EXPH5: variants seen among roughly 807,000 people sequenced by gnomAD.
EXPH5 encodes exophilin 5.
In EXPH5, 42 loss-of-function variants were observed where a neutral mutation model predicts 41.1. The observed-to-expected ratio is 1.02, with a 90% CI of 0.80 to 1.32. The LOEUF (loss-of-function observed/expected upper bound fraction) is 1.32, where lower values mean the gene tolerates loss of function less well. Ranked by LOEUF, EXPH5 falls within the 40% of genes most tolerant of loss-of-function variation. EXPH5 has a pLI of 0.00. For missense variants in EXPH5, 2,298 were observed against 2,314.5 expected, an observed-to-expected ratio of 0.99 and a Z score of 0.15; for synonymous variants, 798 against 833.5, an observed-to-expected ratio of 0.96 and a Z score of 0.73.
the EXPH5 span, among the ~76,000 whole-genome samples, chr11:108,600,872 T>G: frequency 6.6e-6 from 1 of 152,234 alleles, no homozygotes; most frequent in African/African-American, 2.4e-5. Context: ...AGTGACAAGT[T>G]CAATGACAAG....
At chr11:108,552,319 G>A (rs536039288) in intron 1 of EXPH5, 1 of 152,276 alleles carries the variant, frequency 6.6e-6, no homozygotes, top group African/African-American at 2.4e-5. Flanking sequence ...AAGACTCAGG[G>A]AGGGGCAAGG....
At chr11:108,595,608 G>A (rs535304296), upstream of EXPH5, among the ~76,000 whole-genome samples, 27 of 152,108 alleles carry the variant, frequency 1.8e-4, no homozygotes, top group Admixed American at 3.3e-4. Flanking sequence ...TCTCCACAGG[G>A]GTAAAATCTT....
chr11:108,572,641 C>A (rs1367578242), intron 1 of EXPH5, among the ~76,000 whole-genome samples: 1 of 152,204 alleles, frequency 6.6e-6, no homozygotes, highest in Admixed American at 6.5e-5. Flanking sequence ...TCACTGCAAC[C>A]TTTGCCTCCC....
chr11:108,514,832 T>G lies in EXPH5; in HGVS notation c.675A>C (p.Ala225=), dbSNP rs1024233298. The change falls in exon 6 of 6, where the codon GCA becomes GCC. Residue 225 remains alanine (A), a synonymous_variant. Transcript: ENST00000265843. ...LDSKLAQEQS[A]SSVNTRTPLN... Reference sequence around the variant, plus strand: ...GGGGTGTTCTGGTATTCACTGAGCTTGCAGACTGTTCCTGAGCCAATTTGC... The same window carrying G: ...GGGGTGTTCTGGTATTCACTGAGCTGGCAGACTGTTCCTGAGCCAATTTGC... The G allele has an allele frequency of 1.9e-6, 3 of 1,544,132 alleles. No individual in the cohort carries two copies. The highest frequency in any genetic ancestry group is 1.7e-6 in the Non-Finnish European group (2 of 1,152,758).
intron 1 of EXPH5, among the ~76,000 whole-genome samples, chr11:108,560,362 C>A (rs1225394466): frequency 6.6e-6 from 1 of 152,184 alleles, no homozygotes. Context: ...TGATTGCTGC[C>A]TTTTCCAATT....
intron 1 of EXPH5, among the ~76,000 whole-genome samples, chr11:108,569,067 C>T (rs760740931): frequency 2.0e-5 from 3 of 152,146 alleles, no homozygotes; most frequent in African/African-American, 7.2e-5. Flanking sequence ...CTTCCTCTCA[C>T]GTTGCACTCT....
chr11:108,532,561 A>G (rs139514102), intron 3 of EXPH5, among the ~76,000 whole-genome samples: 1 of 150,962 alleles, frequency 6.6e-6, no homozygotes, highest in East Asian at 1.9e-4. Context: ...TAATGAAACT[A>G]TTAATAGATA....
chr11:108,512,013 T>C lies in EXPH5; in HGVS notation c.3494A>G (p.Glu1165Gly). Residue 1165 changes from glutamate to glycine, a missense_variant, in exon 6 of 6, where the codon GAA (glutamate) becomes GGA (glycine). Transcript: ENST00000265843. ...ACAATCTCTAACAGATGAGTCACTTTCCACAGGGCTAATGATTCTCTCCCA... is the reference window on the plus strand; with the variant it reads ...ACAATCTCTAACAGATGAGTCACTTCCCACAGGGCTAATGATTCTCTCCCA... ...RAWERIISPV[E>G]SDSSVRDCSL... 2 of 1,591,424 alleles carry C rather than the reference T, an allele frequency of 1.3e-6. No individual in the cohort carries two copies. Among genetic ancestry groups the C allele is most frequent in the Non-Finnish European group, 1.7e-6 (2 of 1,172,754 alleles).
rs772358763 is a variant in EXPH5 at position 108,510,285 on chromosome 11, C to G, written c.5222G>C (p.Arg1741Thr). Reference sequence around the variant, plus strand: ...CTGATTGTCAGAGAATTCTGCTTCCCTGAGGCTGGTGAATGTGATGGGTGA... The same window carrying G: ...CTGATTGTCAGAGAATTCTGCTTCCGTGAGGCTGGTGAATGTGATGGGTGA... ...APSPITFTSL[R>T]EAEFSDNQRR... The change falls in exon 6 of 6, where the codon AGG (arginine) becomes ACG (threonine). Residue 1741 changes from arginine to threonine, a missense_variant. Physicochemically the swap from Arg to Thr is moderately conservative, Grantham distance 71. Transcript: ENST00000265843. 1 of 1,614,100 alleles carries G rather than the reference C, an allele frequency of 6.2e-7. No individual in the cohort carries two copies. Among genetic ancestry groups the G allele is most frequent in the South Asian group, 1.1e-5 (1 of 91,068 alleles).
rs761161943 is a variant in EXPH5, at chr11:108,510,473, TAGTAC to T, written c.5029_5033del (p.Val1677ThrfsTer15). ...CGTGTGTAGAAGGTTCTCTGTTGGG[TAGTAC>T]AGTAATGGGGAGAAGGTTCTCGGAT... is the stretch of plus-strand genomic sequence containing the variant. On this transcript the variant is annotated frameshift_variant, in exon 6 of 6. Transcript: ENST00000265843. LOFTEE classifies it low-confidence loss of function (END_TRUNC). 1 of 1,614,162 alleles carries T rather than the reference TAGTAC, an allele frequency of 6.2e-7. No individual in the cohort carries two copies. The highest frequency in any genetic ancestry group is 8.5e-7 in the Non-Finnish European group (1 of 1,180,024).
chr11:108,513,975 G>A lies in EXPH5; in HGVS notation c.1532C>T (p.Ser511Phe), dbSNP rs753350680. The A allele has an allele frequency of 2.0e-5, 32 of 1,609,966 alleles. No individual in the cohort carries two copies. In the South Asian group the frequency reaches 3.3e-4, roughly 17 times the overall value. The change falls in exon 6 of 6, where the codon TCC becomes TTC. Residue 511 changes from serine (S) to phenylalanine (F), a missense_variant. By Grantham distance (155) the Ser-to-Phe change is radical (BLOSUM62 -2). Transcript: ENST00000265843. ...SSSDRDFEMI[S>F]MEANSVSAIH... ...GGCTGATACACTATTTGCTTCCATG[G>A]AAATCATTTCAAAGTCTCTGTCAGA...
chr11:108,593,378 G>T, intron 1 of EXPH5, 40 bp downstream of exon 1: 2 of 1,572,656 alleles, frequency 1.3e-6, no homozygotes, highest in African/African-American at 1.3e-5. Flanking sequence ...GCCCCTGCGG[G>T]ACCCAGGCCC....
chr11:108,583,538 C>T (rs765915619), intron 1 of EXPH5, among the ~76,000 whole-genome samples: 3 of 151,242 alleles, frequency 2.0e-5, no homozygotes, highest in Non-Finnish European at 4.4e-5. Context: ...AAGTCATCTA[C>T]AGGCCGGGCA....
chr11:108,525,729 G>A (rs887474624), intron 4 of EXPH5, among the ~76,000 whole-genome samples: 1 of 151,954 alleles, frequency 6.6e-6, no homozygotes, highest in Non-Finnish European at 1.5e-5. Context: ...GGGGAGAATC[G>A]CTATGGCATC....
intron 5 of EXPH5, 97 bp downstream of exon 5, chr11:108,518,138 G>T: frequency 9.2e-7 from 1 of 1,090,644 alleles, no homozygotes; most frequent in South Asian, 1.6e-5. Flanking sequence ...ATAAAGTACA[G>T]TGTTTCATAT....
intron 1 of EXPH5, among the ~76,000 whole-genome samples, chr11:108,562,294 A>G (rs1235924478): frequency 7.4e-6 from 1 of 134,316 alleles, no homozygotes; most frequent in Admixed American, 8.1e-5. Context: ...TGTAATTGTG[A>G]AAGTAAAATT....
chr11:108,600,796 T>A, the EXPH5 span, among the ~76,000 whole-genome samples: 1 of 152,246 alleles, frequency 6.6e-6, no homozygotes, highest in Admixed American at 6.5e-5. Flanking sequence ...CCATCCCTTT[T>A]TCCACCACAC....
chr11:108,576,618 A>C (rs1002296661), intron 1 of EXPH5, among the ~76,000 whole-genome samples: 2 of 152,300 alleles, frequency 1.3e-5, no homozygotes. Context: ...GATATATAGT[A>C]GTTGCACATA....
chr11:108,531,433 T>A (rs997470013), intron 3 of EXPH5, among the ~76,000 whole-genome samples: 1 of 152,076 alleles, frequency 6.6e-6, no homozygotes, highest in Non-Finnish European at 1.5e-5. Context: ...TACAAAAAAT[T>A]AAGAAAATTT....
Sources: allele counts gnomAD v4.1 joint callset (sites outside exome capture counted in the v4.1 genomes callset), GRCh38; gene constraint gnomAD v4.1.1; transcripts MANE v1.5; gene names NCBI Gene and HGNC (gene_info 2026-07-23, HGNC 2026-07-21).